PLXNA4: variants seen among roughly 807,000 people sequenced by gnomAD.
PLXNA4 encodes plexin A4, also known as plexin-A4.
PLXNA4 carries 44 observed loss-of-function variants against 191.8 expected under a neutral mutation model. The observed-to-expected ratio is 0.23, with a 90% CI of 0.18 to 0.29. The LOEUF is 0.29. Among genes scored for constraint, PLXNA4 ranks in the 10% least tolerant of loss-of-function variants. The pLI, the probability that PLXNA4 is intolerant of heterozygous loss-of-function variation, is 1.00. For missense variants in PLXNA4, 1,800 were observed against 2,488.8 expected, an observed-to-expected ratio of 0.72 and a Z score of 5.89; for synonymous variants, 1,082 against 1,009.5, an observed-to-expected ratio of 1.07 and a Z score of -1.36.
intron 22 of PLXNA4, 79 bp downstream of exon 22, chr7:132,168,225 C>T (rs7777156): frequency 0.17 from 242,834 of 1,431,670 alleles, 25,467 homozygotes; most frequent in African/African-American, 0.51. Context: ...CTAGGAGCTC[C>T]ACCCGAGTCT....
chr7:132,560,756 C>T (rs1187133187), intron 1 of PLXNA4, among the ~76,000 whole-genome samples: 1 of 152,180 alleles, frequency 6.6e-6, no homozygotes, highest in African/African-American at 2.4e-5. Flanking sequence ...CTCCCACCAG[C>T]TGCCCAGGCA....
Position 132,609,285 on chromosome 7 carries a change from A to G in PLXNA4, c.-87+36643T>C, listed in dbSNP as rs144783036. On this transcript the variant is annotated intron_variant, in intron 2 of 4. Transcript: ENST00000378539. ...AGGGCCACTCAGTAATAGATGGTGGAAAGAGTGGTCAGCGACAAACTGTTT... is the reference window on the plus strand; with the variant it reads ...AGGGCCACTCAGTAATAGATGGTGGGAAGAGTGGTCAGCGACAAACTGTTT... 2.3e-3 allele frequency among the ~76,000 whole-genome samples: 357 copies of G among 152,322 alleles called. 1 individual carries two copies. The highest frequency in any genetic ancestry group is 2.5e-3 in the Non-Finnish European group (170 of 68,026).
chr7:132,247,930 G>C (rs920480156), intron 4 of PLXNA4, among the ~76,000 whole-genome samples: 4 of 152,200 alleles, frequency 2.6e-5, no homozygotes, highest in Non-Finnish European at 5.9e-5. Flanking sequence ...CTGGTCCCAG[G>C]CTGTGGCAGA....
At chr7:132,625,553 C>A (rs1015426254) in intron 2 of PLXNA4, among the ~76,000 whole-genome samples, 1 of 152,194 alleles carries the variant, frequency 6.6e-6, no homozygotes, top group South Asian at 2.1e-4. Flanking sequence ...GAAAGCAGGT[C>A]TGAGAGGCAG....
intron 22 of PLXNA4, among the ~76,000 whole-genome samples, chr7:132,165,718 G>A (rs370185188): frequency 4.0e-5 from 6 of 149,428 alleles, no homozygotes; most frequent in Admixed American, 6.6e-5. Flanking sequence ...TCTTTTGGGT[G>A]AAAAAAAAAA....
intron 5 of PLXNA4, 86 bp from the exon 6 acceptor site, chr7:132,228,555 G>C: frequency 6.4e-7 from 1 of 1,554,424 alleles, no homozygotes; most frequent in Non-Finnish European, 8.8e-7. Flanking sequence ...GTTTCCAGCA[G>C]CTCCCAGGAT....
chr7:132,253,111 A>G (rs576362197), intron 4 of PLXNA4, among the ~76,000 whole-genome samples: 1 of 152,180 alleles, frequency 6.6e-6, no homozygotes, highest in East Asian at 1.9e-4. Context: ...CAGACAGGGT[A>G]TTATTGACTT....
chr7:132,357,183 A>G, intron 3 of PLXNA4, among the ~76,000 whole-genome samples: 1 of 152,090 alleles, frequency 6.6e-6, no homozygotes, highest in Middle Eastern at 3.2e-3. Context: ...GAACTTTCCA[A>G]CCTTTTTCAT....
At chr7:132,639,243 A>T (rs1803669334) in intron 2 of PLXNA4, among the ~76,000 whole-genome samples, 1 of 152,184 alleles carries the variant, frequency 6.6e-6, no homozygotes, top group Non-Finnish European at 1.5e-5. Flanking sequence ...AGGGACAGTG[A>T]TAACTCTTCC....
chr7:132,198,744 C>T, intron 12 of PLXNA4, 108 bp from the exon 13 acceptor site: 14 of 1,509,652 alleles, frequency 9.3e-6, no homozygotes, highest in Non-Finnish European at 1.2e-5. Flanking sequence ...CCCAGAGTCC[C>T]TGAGTGGCTT....
intron 3 of PLXNA4, among the ~76,000 whole-genome samples, chr7:132,478,837 C>A (rs575565514): frequency 6.6e-6 from 1 of 152,232 alleles, no homozygotes; most frequent in Non-Finnish European, 1.5e-5. Context: ...CCTCCAGCCC[C>A]AGAATACTCA....
At chr7:132,612,029 C>T (rs868676930) in intron 2 of PLXNA4, among the ~76,000 whole-genome samples, 2 of 152,148 alleles carry the variant, frequency 1.3e-5, no homozygotes, top group Non-Finnish European at 2.9e-5. Context: ...GTCAAGATTG[C>T]TGTTTTGAGC....
chr7:132,577,046 C>A, upstream of PLXNA4: 1 of 146,552 alleles, frequency 6.8e-6, no homozygotes, highest in South Asian at 1.9e-4. Context: ...CCGGGCAGTG[C>A]CCTGGGGCCG....
intron 7 of PLXNA4, 75 bp from the exon 8 acceptor site, chr7:132,226,335 G>T: frequency 1.5e-6 from 2 of 1,293,164 alleles, no homozygotes; most frequent in Non-Finnish European, 1.1e-6. Flanking sequence ...AGTGACACCT[G>T]CTGGAAAAGG....
intron 1 of PLXNA4, among the ~76,000 whole-genome samples, chr7:132,512,284 T>C (rs1320461093): frequency 1.3e-5 from 2 of 152,194 alleles, no homozygotes; most frequent in African/African-American, 2.4e-5. Flanking sequence ...TTACTGTACA[T>C]ACACATGGAT....
At chr7:132,636,475 AG>A (rs1803609201) in intron 2 of PLXNA4, among the ~76,000 whole-genome samples, 1 of 152,078 alleles carries the variant, frequency 6.6e-6, no homozygotes, top group South Asian at 2.1e-4. Context: ...ATCAAGGAAG[AG>A]CCCCCCCAGG....
intron 3 of PLXNA4, among the ~76,000 whole-genome samples, chr7:132,311,633 T>C (rs1210085116): frequency 6.6e-6 from 1 of 152,182 alleles, no homozygotes; most frequent in Non-Finnish European, 1.5e-5. Flanking sequence ...GGCTATCTCA[T>C]AGATCACCAC....
intron 1 of PLXNA4, among the ~76,000 whole-genome samples, chr7:132,550,570 A>C (rs1800518802): frequency 6.6e-6 from 1 of 152,242 alleles, no homozygotes; most frequent in African/African-American, 2.4e-5. Context: ...AATTTAAAAA[A>C]TCAGCATAAT....
chr7:132,440,254 C>T (rs1471968025), intron 3 of PLXNA4, among the ~76,000 whole-genome samples: 2 of 152,198 alleles, frequency 1.3e-5, no homozygotes, highest in African/African-American at 2.4e-5. Flanking sequence ...AGGTGCTTCT[C>T]AATTCTTTGA....
Sources: allele counts gnomAD v4.1 joint callset (sites outside exome capture counted in the v4.1 genomes callset), GRCh38; gene constraint gnomAD v4.1.1; transcripts MANE v1.5; gene names NCBI Gene and HGNC (gene_info 2026-07-23, HGNC 2026-07-21).